Variants in MGME1 observed in about 807,000 individuals in gnomAD.
MGME1 encodes the protein chromosome 20 open reading frame 72.
In MGME1, 22 loss-of-function variants were observed where a neutral mutation model predicts 33.0. That is an observed-to-expected ratio of 0.67 (90% CI 0.48 to 0.95). The LOEUF is 0.95. MGME1 is among the 40% of genes least tolerant of loss of function. The probability of loss-of-function intolerance (pLI) is 0.00; values close to 1 mark genes in which losing one functional copy is unlikely to be tolerated. For missense variants in MGME1, 383 were observed against 397.8 expected (o/e 0.96, Z 0.32); for synonymous variants, 133 against 144.0 (o/e 0.92, Z 0.55).
intron 2 of MGME1, among the ~76,000 whole-genome samples, chr20:17,972,944 A>C (rs1342654662): frequency 6.6e-6 from 1 of 152,174 alleles, no homozygotes; most frequent in Non-Finnish European, 1.5e-5. Context: ...AATAATTCCA[A>C]TTGAGTCAAG....
chr20:17,973,817 C>A (rs577626108), intron 2 of MGME1, among the ~76,000 whole-genome samples: 2 of 152,188 alleles, frequency 1.3e-5, no homozygotes, highest in Non-Finnish European at 2.9e-5. Flanking sequence ...GATTCTGGTG[C>A]CAGGCTGCCT....
At chr20:17,977,796 TC>T in intron 3 of MGME1, among the ~76,000 whole-genome samples, 1 of 152,302 alleles carries the variant, frequency 6.6e-6, no homozygotes, top group Non-Finnish European at 1.5e-5. Flanking sequence ...TGCCTGACTT[TC>T]TGGGAATGCA....
chr20:17,989,552 T>C (rs1489235263), intron 4 of MGME1, among the ~76,000 whole-genome samples: 1 of 150,830 alleles, frequency 6.6e-6, no homozygotes. Flanking sequence ...CCATCATTAC[T>C]AAAAATAGAA....
At chr20:17,988,349 C>A in intron 4 of MGME1, 51 bp downstream of exon 4, 1 of 1,588,692 alleles carries the variant, frequency 6.3e-7, no homozygotes, top group Non-Finnish European at 8.6e-7. Context: ...TTACTTAAAA[C>A]TATAACTCCG....
intron 3 of MGME1, among the ~76,000 whole-genome samples, chr20:17,981,153 C>G (rs1337582470): frequency 6.6e-6 from 1 of 152,038 alleles, no homozygotes; most frequent in Non-Finnish European, 1.5e-5. Flanking sequence ...AATATGTGCC[C>G]TCTATACTCT....
At chr20:17,973,424 G>A (rs895526640) in intron 2 of MGME1, among the ~76,000 whole-genome samples, 2 of 152,130 alleles carry the variant, frequency 1.3e-5, no homozygotes, top group Admixed American at 6.5e-5. Context: ...AAGGTGGGAC[G>A]ATTGCTTGAG....
At chr20:17,971,220 T>A (rs1208139070) in intron 2 of MGME1, among the ~76,000 whole-genome samples, 8 of 152,244 alleles carry the variant, frequency 5.3e-5, no homozygotes, top group African/African-American at 1.9e-4. Context: ...GTGTAACACA[T>A]TAAACATGTC....
At chr20:17,985,731 C>T (rs562227139) in intron 3 of MGME1, among the ~76,000 whole-genome samples, 1 of 152,258 alleles carries the variant, frequency 6.6e-6, no homozygotes, top group South Asian at 2.1e-4. Context: ...TGCACTAATG[C>T]TTACCATTGT....
intron 4 of MGME1, 130 bp downstream of exon 4, chr20:17,988,428 G>A: frequency 2.2e-6 from 2 of 923,272 alleles, no homozygotes; most frequent in Non-Finnish European, 3.2e-6. Flanking sequence ...GATCACTTGA[G>A]GTCAGGAGTT....
chr20:17,988,838 C>G (rs1310119247), intron 4 of MGME1, among the ~76,000 whole-genome samples: 1 of 152,020 alleles, frequency 6.6e-6, no homozygotes, highest in Non-Finnish European at 1.5e-5. Flanking sequence ...CACAGTGGCT[C>G]ACGCACTTTG....
At chr20:17,987,112 G>A (rs1282560338) in intron 3 of MGME1, among the ~76,000 whole-genome samples, 5 of 150,944 alleles carry the variant, frequency 3.3e-5, no homozygotes, top group Non-Finnish European at 5.9e-5. Flanking sequence ...CCCAGGAGGC[G>A]GAGGTTGTGG....
intron 3 of MGME1, among the ~76,000 whole-genome samples, chr20:17,979,558 T>C (rs2035952235): frequency 6.7e-6 from 1 of 150,102 alleles, no homozygotes; most frequent in South Asian, 2.1e-4. Flanking sequence ...TACAGGCGCA[T>C]GCCACCACGC....
intron 3 of MGME1, among the ~76,000 whole-genome samples, chr20:17,982,171 C>G (rs1241378301): frequency 1.3e-5 from 2 of 152,312 alleles, no homozygotes; most frequent in East Asian, 3.9e-4. Flanking sequence ...CCTTGTTGCC[C>G]AGGCTGGAGT....
chr20:17,982,812 A>G (rs1396550821), intron 3 of MGME1, among the ~76,000 whole-genome samples: 1 of 152,202 alleles, frequency 6.6e-6, no homozygotes, highest in East Asian at 1.9e-4. Flanking sequence ...TTTATAGGCT[A>G]CAGTATGATA....
chr20:17,972,711 T>A, intron 2 of MGME1: 13 of 985,466 alleles, frequency 1.3e-5, no homozygotes, highest in Non-Finnish European at 1.6e-5. Context: ...ATCTAGGTTT[T>A]CATGTTTGTG....
upstream of MGME1, chr20:17,968,803 T>C (rs1268464495): frequency 7.6e-6 from 2 of 262,066 alleles, no homozygotes; most frequent in East Asian, 1.7e-4. Context: ...AGACCGCGTT[T>C]CGGTGCGGGG....
At chr20:17,981,328 T>C (rs1468789449) in intron 3 of MGME1, among the ~76,000 whole-genome samples, 1 of 152,242 alleles carries the variant, frequency 6.6e-6, no homozygotes, top group Non-Finnish European at 1.5e-5. Flanking sequence ...GTTTGGATTC[T>C]GGCTTGGCTT....
chr20:17,988,179 GTGAT>G lies in MGME1; in HGVS notation c.752_755del (p.Asp251GlyfsTer28), dbSNP rs772516937. On this transcript the variant is annotated frameshift_variant, in exon 4 of 5. Coordinates refer to ENST00000377710, the MANE Select transcript of MGME1 (RefSeq NM_052865.4). LOFTEE classifies it high-confidence loss of function. The stretch of plus-strand genomic sequence containing the variant: ...GTTTCTCTTTAGGGGCAAGCTCTGT[GTGAT>G]TGATTGGAAGACATCAGAGAAACCA... The G allele has an allele frequency of 1.9e-6, 3 of 1,613,692 alleles. No individual in the cohort carries two copies. Among genetic ancestry groups the G allele is most frequent in the Non-Finnish European group, 2.5e-6 (3 of 1,179,862 alleles).
rs142455226 is a variant in MGME1 at position 17,986,445 on chromosome 20, G to A, written c.732-1721G>A. ...CGCTGTTGTGCAGTGGTGCAATCTC[G>A]GCTCACTGCAAACTCCACCTCCTGG... On this transcript the variant is annotated intron_variant, in intron 3 of 4. Coordinates refer to ENST00000377710, the MANE Select transcript of MGME1 (RefSeq NM_052865.4). Among the ~76,000 whole-genome samples, 898 of 150,426 alleles carry A rather than the reference G, an allele frequency of 6.0e-3. 6 individuals carry two copies. The highest frequency in any genetic ancestry group is 0.021 in the African/African-American group (843 of 40,850).
Sources: allele counts gnomAD v4.1 joint callset (sites outside exome capture counted in the v4.1 genomes callset), GRCh38; gene constraint gnomAD v4.1.1; transcripts MANE v1.5; gene names NCBI Gene and HGNC (gene_info 2026-07-23, HGNC 2026-07-21).